The following ANK2 variants were observed in gnomAD, a reference collection of about 807,000 sequenced individuals.
The protein encoded by ANK2 is ankyrin-2.
In ANK2, 83 loss-of-function variants were observed where a neutral mutation model predicts 360.5. The ratio of observed to expected loss-of-function variants is 0.23; its 90% CI spans 0.19 to 0.28. The LOEUF (loss-of-function observed/expected upper bound fraction) is 0.28, where lower values mean the gene tolerates loss of function less well. Ranked by LOEUF, ANK2 falls within the 10% of genes least tolerant of loss-of-function variation. The pLI is 1.00. For synonymous variants in ANK2, 1,740 were observed against 1,759.5 expected (o/e 0.99, Z 0.28); for missense variants, 4,201 against 4,795.7 (o/e 0.88, Z 3.66).
the ANK2 span, among the ~76,000 whole-genome samples, chr4:112,811,230 C>T: frequency 1.3e-5 from 2 of 152,174 alleles, no homozygotes; most frequent in Non-Finnish European, 1.5e-5. Context: ...AGCCACCGCG[C>T]CCGGCCACGA....
At chr4:113,146,359 C>A (rs1045709448) in intron 1 of ANK2, among the ~76,000 whole-genome samples, 2 of 152,156 alleles carry the variant, frequency 1.3e-5, no homozygotes, top group Admixed American at 6.5e-5. Flanking sequence ...CTGTCAAATT[C>A]TTTCGCCTAT....
chr4:112,847,213 C>T (rs1222778791), intron 1 of ANK2, among the ~76,000 whole-genome samples: 2 of 152,182 alleles, frequency 1.3e-5, no homozygotes, highest in African/African-American at 4.8e-5. Context: ...TTTGTGATGT[C>T]TTCTGTGTGT....
chr4:113,220,612 A>G (rs2153486238), intron 4 of ANK2, among the ~76,000 whole-genome samples: 1 of 152,300 alleles, frequency 6.6e-6, no homozygotes, highest in African/African-American at 2.4e-5. Flanking sequence ...GAATTATTCC[A>G]TCATAGCTTA....
intron 1 of ANK2, among the ~76,000 whole-genome samples, chr4:112,875,171 G>A (rs931694651): frequency 5.9e-5 from 9 of 151,988 alleles, no homozygotes; most frequent in East Asian, 5.8e-4. Flanking sequence ...ACAGGTGGGC[G>A]CCACCATGCC....
intron 1 of ANK2, among the ~76,000 whole-genome samples, chr4:112,835,755 CT>C (rs1478648357): frequency 1.3e-5 from 2 of 152,098 alleles, no homozygotes; most frequent in African/African-American, 4.8e-5. Flanking sequence ...AGAGTAAGTG[CT>C]CATTAAAATG....
intron 20 of ANK2, among the ~76,000 whole-genome samples, chr4:113,292,068 A>C (rs2067961731): frequency 6.6e-6 from 1 of 152,160 alleles, no homozygotes; most frequent in South Asian, 2.1e-4. Context: ...TTCTTATTTT[A>C]AATCTCTCTT....
At chr4:112,915,231 C>T (rs2089333978) in intron 2 of ANK2, among the ~76,000 whole-genome samples, 1 of 152,074 alleles carries the variant, frequency 6.6e-6, no homozygotes, top group African/African-American at 2.4e-5. Flanking sequence ...TCAAGATCCT[C>T]AGGGACTCAA....
chr4:113,188,898 T>C (rs1048008715), intron 2 of ANK2, among the ~76,000 whole-genome samples: 1 of 152,148 alleles, frequency 6.6e-6, no homozygotes, highest in Non-Finnish European at 1.5e-5. Flanking sequence ...AAATGTAGAG[T>C]ACCTGGGTGA....
chr4:113,369,409 A>G, intron 42 of ANK2, 105 bp from the exon 43 acceptor site: 1 of 1,204,360 alleles, frequency 8.3e-7, no homozygotes, highest in Non-Finnish European at 1.2e-6. Context: ...TTTGACTGTC[A>G]TAGACTATGG....
chr4:112,860,374 G>A (rs186009576), intron 1 of ANK2, among the ~76,000 whole-genome samples: 1 of 152,004 alleles, frequency 6.6e-6, no homozygotes, highest in African/African-American at 2.4e-5. Flanking sequence ...TTACAGGTGC[G>A]CGCCACCATG....
the ANK2 span, among the ~76,000 whole-genome samples, chr4:112,764,307 T>A: frequency 6.6e-6 from 1 of 152,122 alleles, no homozygotes; most frequent in Non-Finnish European, 1.5e-5. Flanking sequence ...TCTTTTCTAT[T>A]CGCTAATCTA....
At chr4:112,902,067 G>A (rs990365200) in intron 1 of ANK2, among the ~76,000 whole-genome samples, 1 of 152,090 alleles carries the variant, frequency 6.6e-6, no homozygotes, top group African/African-American at 2.4e-5. Flanking sequence ...GTGAAGAGGA[G>A]AGCACTTAAA....
At chr4:113,121,230 G>A (rs996724263) in intron 1 of ANK2, among the ~76,000 whole-genome samples, 1 of 152,212 alleles carries the variant, frequency 6.6e-6, no homozygotes, top group Middle Eastern at 3.4e-3. Context: ...TCACAAACAA[G>A]GAAATTGCTT....
chr4:113,355,653 G>A lies in ANK2; in HGVS notation c.7035G>A (p.Glu2345=), dbSNP rs761942213. The A allele has an allele frequency of 2.5e-6, 4 of 1,614,132 alleles. No individual in the cohort carries two copies. The South Asian group carries it at 4.4e-5, about 18-fold the overall frequency. ...LAKETPTGLT[E]EAACDEGQRT... Reference sequence around the variant, plus strand: ...AAGAGACACCTACAGGACTGACTGAGGAGGCAGCCTGTGATGAAGGTCAAC... The same window carrying A: ...AAGAGACACCTACAGGACTGACTGAAGAGGCAGCCTGTGATGAAGGTCAAC... The change falls in exon 38 of 46, where the codon GAG becomes GAA. Residue 2345 remains glutamate, a synonymous_variant. Coordinates refer to ENST00000357077, the MANE Select transcript of ANK2 (RefSeq NM_001148.6).
chr4:113,187,829 A>C lies in ANK2; in HGVS notation c.187-8539A>C, dbSNP rs570381142. On this transcript the variant is annotated intron_variant, in intron 2 of 45. Coordinates refer to ENST00000357077, the MANE Select transcript of ANK2 (RefSeq NM_001148.6). Reference sequence around the variant, plus strand: ...TTAATATTTGATAAATGAATGATTGAGTGGATATTGGGCCAGCCACTTAAA... The same window carrying C: ...TTAATATTTGATAAATGAATGATTGCGTGGATATTGGGCCAGCCACTTAAA... Among the ~76,000 whole-genome samples, 24 of 152,344 alleles carry C rather than the reference A, an allele frequency of 1.6e-4. No individual in the cohort carries two copies. In the South Asian group the frequency reaches 4.3e-3, roughly 28 times the overall value.
At chr4:113,029,146 A>G (rs2059867870) in intron 2 of ANK2, among the ~76,000 whole-genome samples, 1 of 152,130 alleles carries the variant, frequency 6.6e-6, no homozygotes, top group Non-Finnish European at 1.5e-5. Flanking sequence ...TGGATTATAT[A>G]TTACTTGCTA....
At chr4:112,933,745 C>T (rs1462393557) in intron 2 of ANK2, among the ~76,000 whole-genome samples, 1 of 152,108 alleles carries the variant, frequency 6.6e-6, no homozygotes, top group African/African-American at 2.4e-5. Context: ...GGTGATCTGC[C>T]CACCTTGGCC....
At chr4:113,171,098 G>A (rs2097925132) in intron 1 of ANK2, among the ~76,000 whole-genome samples, 2 of 152,104 alleles carry the variant, frequency 1.3e-5, no homozygotes, top group Non-Finnish European at 2.9e-5. Context: ...AAATCTCCTG[G>A]TTGAGCAAAG....
chr4:113,061,188 C>A (rs2073159747), intron 1 of ANK2, among the ~76,000 whole-genome samples: 1 of 151,976 alleles, frequency 6.6e-6, no homozygotes, highest in Non-Finnish European at 1.5e-5. Flanking sequence ...ATGACCCTGC[C>A]CCAAGTGGCT....
Sources: allele counts gnomAD v4.1 joint callset (sites outside exome capture counted in the v4.1 genomes callset), GRCh38; gene constraint gnomAD v4.1.1; transcripts MANE v1.5; gene names NCBI Gene and HGNC (gene_info 2026-07-23, HGNC 2026-07-21).